The following MGLL variants were observed in gnomAD, a reference collection of about 807,000 sequenced individuals.
MGLL encodes monoglyceride lipase.
Under a neutral mutation model 29.1 loss-of-function variants are expected in MGLL, and 7 were observed. The observed-to-expected ratio is 0.24, with a 90% CI of 0.14 to 0.45. The LOEUF (loss-of-function observed/expected upper bound fraction) is 0.45. Ranked by LOEUF, MGLL falls within the 20% of genes least tolerant of loss-of-function variation. MGLL has a pLI of 0.99. For missense variants in MGLL, 356 were observed against 413.6 expected (o/e 0.86, Z 1.21); for synonymous variants, 148 against 168.3 (o/e 0.88, Z 0.93).
chr3:127,690,257 A>G lies in MGLL; in HGVS notation c.*1941T>C, dbSNP rs2107570349. On this transcript the variant is annotated 3_prime_UTR_variant, in exon 8 of 8. Transcript: ENST00000265052. ...CTAAGCAGGCGGGGCTGGCTTTCTC[A>G]GTGCATATTTTACATTTTTCTCCTT... is the stretch of plus-strand genomic sequence containing the variant. The G allele has an allele frequency of 6.6e-6, 1 of 152,172 alleles. No individual in the cohort carries two copies. The highest frequency in any genetic ancestry group is 1.5e-5 in the Non-Finnish European group (1 of 68,010). The allele number at this position is 152,172 out of a possible 1,614,324, so 9.4% of individuals were successfully genotyped here.
intron 3 of MGLL, among the ~76,000 whole-genome samples, chr3:127,777,096 T>C (rs1234341105): frequency 6.6e-6 from 1 of 152,108 alleles, no homozygotes. Flanking sequence ...AGTTACTGTG[T>C]CCATGCATTT....
intron 3 of MGLL, among the ~76,000 whole-genome samples, chr3:127,730,606 G>T (rs471662): frequency 6.6e-6 from 1 of 152,070 alleles, no homozygotes; most frequent in Non-Finnish European, 1.5e-5. Flanking sequence ...GAGAGCTTAG[G>T]GTGGGCAGGG....
chr3:127,739,488 G>A (rs1195130376), intron 3 of MGLL, among the ~76,000 whole-genome samples: 1 of 152,196 alleles, frequency 6.6e-6, no homozygotes, highest in African/African-American at 2.4e-5. Flanking sequence ...AACGTGAACT[G>A]TATGAACTGG....
chr3:127,746,092 T>A (rs893596756), intron 3 of MGLL, among the ~76,000 whole-genome samples: 21 of 152,040 alleles, frequency 1.4e-4, no homozygotes, highest in East Asian at 5.8e-4. Context: ...AGATGGAAGA[T>A]TGAGAAGCCA....
At chr3:127,696,091 A>G (rs2075355946) in intron 6 of MGLL, among the ~76,000 whole-genome samples, 1 of 152,184 alleles carries the variant, frequency 6.6e-6, no homozygotes, top group African/African-American at 2.4e-5. Flanking sequence ...CGTGCCCCTC[A>G]GGGCTACACA....
At chr3:127,693,925 G>A (rs565666497) in intron 7 of MGLL, among the ~76,000 whole-genome samples, 2 of 152,268 alleles carry the variant, frequency 1.3e-5, no homozygotes, top group Admixed American at 1.3e-4. Context: ...TGGTGTAAGG[G>A]CGGTCTCAGT....
chr3:127,817,446 G>C (rs923735950), intron 2 of MGLL, among the ~76,000 whole-genome samples: 2 of 152,230 alleles, frequency 1.3e-5, no homozygotes, highest in African/African-American at 2.4e-5. Context: ...AAGGCCAAGT[G>C]GCATGAGCCG....
At chr3:127,755,312 A>T (rs549716930) in intron 3 of MGLL, among the ~76,000 whole-genome samples, 1 of 152,264 alleles carries the variant, frequency 6.6e-6, no homozygotes, top group African/African-American at 2.4e-5. Flanking sequence ...TGTTTAAAGA[A>T]ATGGAAGGGT....
Position 127,726,185 on chromosome 3 carries a change from A to AAAGAAAGAAAGAAAG in MGLL, c.263-3620_263-3619insCTTTCTTTCTTTCTT, listed in dbSNP as rs61500053. Among the ~76,000 whole-genome samples the AAAGAAAGAAAGAAAG allele has an allele frequency of 1.8e-3, 123 of 66,546 alleles. 1 individual carries two copies. Among genetic ancestry groups the AAAGAAAGAAAGAAAG allele is most frequent in the Admixed American group, 4.8e-3 (29 of 6,104 alleles). The allele number at this position is 66,546 out of a possible 152,430, so 43.7% of individuals were successfully genotyped here. A position where few individuals can be genotyped will look rare whatever the true frequency, so the allele number is the denominator to read the frequency against. ...GAAAGAAAGAAAGAAAGAAAGAAAGAAAAGAAAAGAAAGAAAGAAAGACAG... is the reference window on the plus strand; with the variant it reads ...GAAAGAAAGAAAGAAAGAAAGAAAGAAAGAAAGAAAGAAAGAAAGAAAAGAAAGAAAGAAAGACAG... On this transcript the variant is annotated intron_variant, in intron 3 of 7. Coordinates refer to ENST00000265052, the MANE Select transcript of MGLL (RefSeq NM_007283.7).
In MGLL at chr3:127,721,137, G is replaced by A. The variant is rs762407013; in HGVS notation, c.426C>T (p.Ala142=). Residue 142 remains alanine, a synonymous_variant, in exon 5 of 8, where the codon GCC becomes GCT. Coordinates refer to ENST00000265052, the MANE Select transcript of MGLL (RefSeq NM_007283.7). ...CGGCGAAGTGGCCCGGCCTCTCTGC[G>A]GCCGTGAGGATGGCGATGGCGCCTC... ...SMGGAIAILT[A]AERPGHFAGM... 5 of 1,614,206 alleles carry A rather than the reference G, an allele frequency of 3.1e-6. No individual in the cohort carries two copies. Among genetic ancestry groups the A allele is most frequent in the South Asian group, 1.1e-5 (1 of 91,084 alleles).
At chr3:127,714,688 T>C (rs548949471) in intron 5 of MGLL, among the ~76,000 whole-genome samples, 4 of 152,068 alleles carry the variant, frequency 2.6e-5, no homozygotes, top group African/African-American at 7.2e-5. Flanking sequence ...AAGGTCTCAG[T>C]GCATAGATGG....
intron 5 of MGLL, among the ~76,000 whole-genome samples, chr3:127,716,973 G>C (rs957277467): frequency 2.0e-5 from 3 of 152,310 alleles, no homozygotes; most frequent in South Asian, 2.1e-4. Flanking sequence ...TTTGTTTCCT[G>C]ATAGATCAGG....
At chr3:127,781,234 G>A (rs551984156) in intron 3 of MGLL, among the ~76,000 whole-genome samples, 1 of 152,290 alleles carries the variant, frequency 6.6e-6, no homozygotes, top group Admixed American at 6.5e-5. Context: ...AGGTGTGTAT[G>A]TGTGTGCATG....
At chr3:127,776,122 C>T (rs2077032959) in intron 3 of MGLL, among the ~76,000 whole-genome samples, 2 of 152,226 alleles carry the variant, frequency 1.3e-5, no homozygotes, top group Admixed American at 1.3e-4. Flanking sequence ...GCACCTCTCC[C>T]TCATGGGCTC....
At chr3:127,741,538 G>GGGGCAGAGGTTTGTGGGGAGC in intron 3 of MGLL, among the ~76,000 whole-genome samples, 1 of 152,328 alleles carries the variant, frequency 6.6e-6, no homozygotes, top group Middle Eastern at 3.4e-3. Flanking sequence ...GTGTTACACC[G>GGGGCAGAGGTTTGTGGGGAGC]GGGCAGAGGT....
intron 5 of MGLL, among the ~76,000 whole-genome samples, chr3:127,718,216 G>A (rs1469307231): frequency 6.6e-6 from 1 of 152,100 alleles, no homozygotes; most frequent in Non-Finnish European, 1.5e-5. Context: ...GGCATCTCAC[G>A]CTGCCCCTTA....
intron 3 of MGLL, among the ~76,000 whole-genome samples, chr3:127,731,208 C>G (rs954516961): frequency 6.6e-6 from 1 of 151,980 alleles, no homozygotes; most frequent in Non-Finnish European, 1.5e-5. Context: ...GTTTTAGAGA[C>G]AAGGTCTTGT....
intron 2 of MGLL, among the ~76,000 whole-genome samples, chr3:127,789,537 C>A (rs1173087078): frequency 6.6e-6 from 1 of 152,042 alleles, no homozygotes; most frequent in African/African-American, 2.4e-5. Context: ...TGGTGAGACC[C>A]CATCTCTACA....
chr3:127,758,662 TG>T (rs2076706227), intron 3 of MGLL, among the ~76,000 whole-genome samples: 1 of 152,202 alleles, frequency 6.6e-6, no homozygotes, highest in African/African-American at 2.4e-5. Flanking sequence ...GCGAGGAGAA[TG>T]GGGGAAGTCA....
Sources: allele counts gnomAD v4.1 joint callset (sites outside exome capture counted in the v4.1 genomes callset), GRCh38; gene constraint gnomAD v4.1.1; transcripts MANE v1.5; gene names NCBI Gene and HGNC (gene_info 2026-07-23, HGNC 2026-07-21).